Variants in TMC7 observed in about 807,000 individuals in gnomAD.
TMC7 encodes the protein transmembrane channel like 7.
In TMC7, 54 loss-of-function variants were observed where a neutral mutation model predicts 82.9. The ratio of observed to expected loss-of-function variants is 0.65; its 90% confidence interval spans 0.52 to 0.82. The LOEUF is 0.82. Ranked by LOEUF, TMC7 falls within the 40% of genes least tolerant of loss-of-function variation. The pLI is 0.00. For missense variants in TMC7, 820 were observed against 901.2 expected (o/e 0.91, Z 1.15); for synonymous variants, 350 against 337.9 (o/e 1.04, Z -0.39).
At chr16:18,998,386 T>A (rs12446033) in intron 1 of TMC7, among the ~76,000 whole-genome samples, 69,873 of 152,078 alleles carry the variant, frequency 0.46, 18,875 homozygotes, top group East Asian at 0.76. Flanking sequence ...CTGCCAGGCC[T>A]TGCCACCTTC....
chr16:19,044,866 C>G lies in TMC7; in HGVS notation c.1338-18C>G, dbSNP rs769083177. On this transcript the variant is annotated intron_variant, in intron 9 of 15. Transcript: ENST00000304381. ...TGAGGGCCTCATCTTCCCATCCTCTCTCCTTCTCTCCCCGAAGGTGTGTCT... is the reference window on the plus strand; with the variant it reads ...TGAGGGCCTCATCTTCCCATCCTCTGTCCTTCTCTCCCCGAAGGTGTGTCT... 3 of 1,596,550 alleles carry G rather than the reference C, an allele frequency of 1.9e-6. No individual in the cohort carries two copies. Among genetic ancestry groups the G allele is most frequent in the South Asian group, 2.2e-5 (2 of 90,748 alleles).
chr16:19,043,658 C>T (rs751072613), intron 9 of TMC7, among the ~76,000 whole-genome samples: 18 of 152,072 alleles, frequency 1.2e-4, no homozygotes, highest in Non-Finnish European at 2.2e-4. Flanking sequence ...GCAACCTTCG[C>T]CTCCCAGGTT....
chr16:19,047,553 C>T (rs902844137), intron 12 of TMC7, among the ~76,000 whole-genome samples: 28 of 151,310 alleles, frequency 1.9e-4, no homozygotes, highest in African/African-American at 3.2e-4. Context: ...CCTGCCACTG[C>T]GCCTGGCTAA....
intron 9 of TMC7, among the ~76,000 whole-genome samples, chr16:19,040,750 T>G (rs960250647): frequency 2.6e-5 from 4 of 152,018 alleles, no homozygotes; most frequent in African/African-American, 9.7e-5. Context: ...TAAGGCAGAG[T>G]CCAGGGAGTT....
At chr16:19,015,928 A>G (rs557122445) in intron 2 of TMC7, among the ~76,000 whole-genome samples, 74 of 152,208 alleles carry the variant, frequency 4.9e-4, no homozygotes, top group Middle Eastern at 6.8e-3. Context: ...GTATGTACCT[A>G]GGAGTGGAAC....
chr16:19,025,080 T>C (rs1960160116), intron 5 of TMC7, among the ~76,000 whole-genome samples: 1 of 152,104 alleles, frequency 6.6e-6, no homozygotes, highest in Non-Finnish European at 1.5e-5. Flanking sequence ...TAGATAACTC[T>C]GTGTTGTGTA....
chr16:19,037,757 G>A, intron 7 of TMC7, 117 bp from the exon 8 acceptor site: 1 of 1,128,806 alleles, frequency 8.9e-7, no homozygotes, highest in South Asian at 1.6e-5. Context: ...ACAGGAGTGA[G>A]CCACCATGCC....
rs748750341 is a variant in TMC7 at position 19,009,434 on chromosome 16, T to C, written c.311+19T>C. Reference sequence around the variant, plus strand: ...GACTAAGGTTTGTTCACTAGCCACCTGGAACCTGCATTGTGTATGTTATGG... The same window carrying C: ...GACTAAGGTTTGTTCACTAGCCACCCGGAACCTGCATTGTGTATGTTATGG... On this transcript the variant is annotated intron_variant, in intron 2 of 15. Transcript: ENST00000304381. The C allele has an allele frequency of 1.9e-6, 3 of 1,604,676 alleles. No homozygotes were observed. The highest frequency in any genetic ancestry group is 2.6e-6 in the Non-Finnish European group (3 of 1,173,534).
At chr16:19,034,934 A>T (rs1171303451) in intron 6 of TMC7, among the ~76,000 whole-genome samples, 1 of 152,188 alleles carries the variant, frequency 6.6e-6, no homozygotes, top group Non-Finnish European at 1.5e-5. Context: ...TTTGGATTTT[A>T]AAAGAAAATG....
intron 7 of TMC7, 85 bp downstream of exon 7, chr16:19,035,908 T>C: frequency 2.0e-6 from 3 of 1,471,526 alleles, no homozygotes; most frequent in Middle Eastern, 5.0e-4. Flanking sequence ...TTGCAGAGGA[T>C]CAAGGGTCGG....
chr16:19,026,369 T>C (rs1010022724), intron 5 of TMC7, among the ~76,000 whole-genome samples: 2 of 150,592 alleles, frequency 1.3e-5, no homozygotes, highest in African/African-American at 2.4e-5. Flanking sequence ...CCCAGCTACT[T>C]GGGAGGCTGA....
rs116899319 is a variant in TMC7 at position 19,033,278 on chromosome 16, T to C, written c.858-2398T>C. The stretch of plus-strand genomic sequence containing the variant: ...TTATAGACATTTATGAAGTTAAAAT[T>C]ATCATCATCATCATCCTTATCATCA... On this transcript the variant is annotated intron_variant, in intron 6 of 15. Coordinates refer to ENST00000304381, the MANE Select transcript of TMC7 (RefSeq NM_024847.4). 8.3e-3 allele frequency among the ~76,000 whole-genome samples: 1,266 copies of C among 152,238 alleles called. 5 individuals are homozygous for C. Among genetic ancestry groups the C allele is most frequent in the Admixed American group, 0.018 (282 of 15,280 alleles).
rs371052634 is a variant in TMC7 at position 19,002,563 on chromosome 16, A to G, written c.68-6609A>G. Among the ~76,000 whole-genome samples, 4 of 152,128 alleles carry G rather than the reference A, an allele frequency of 2.6e-5. No individual in the cohort carries two copies. In the East Asian group the frequency reaches 5.8e-4, roughly 22 times the overall value. On this transcript the variant is annotated intron_variant, in intron 1 of 15. Coordinates refer to ENST00000304381, the MANE Select transcript of TMC7 (RefSeq NM_024847.4). The stretch of plus-strand genomic sequence containing the variant: ...GGATGGAGGGCCTTCTGTGAGCAAG[A>G]CACCGCTTTTAAGCCTCAGAGAGAC...
At chr16:19,011,019 C>T (rs554343065) in intron 2 of TMC7, among the ~76,000 whole-genome samples, 11 of 152,232 alleles carry the variant, frequency 7.2e-5, no homozygotes, top group East Asian at 1.9e-4. Flanking sequence ...ATATTCCTCC[C>T]GCTAATGAGA....
At chr16:19,035,653 G>A (rs771086000) in intron 6 of TMC7, 23 bp from the exon 7 acceptor site, 1 of 1,613,964 alleles carries the variant, frequency 6.2e-7, no homozygotes, top group Non-Finnish European at 8.5e-7. Flanking sequence ...TCTATAAGAA[G>A]GATGATTGTG....
chr16:18,987,563 C>T (rs1427098919), intron 1 of TMC7, among the ~76,000 whole-genome samples: 2 of 152,128 alleles, frequency 1.3e-5, no homozygotes, highest in African/African-American at 4.8e-5. Flanking sequence ...ACCTCGGCCT[C>T]CCAAAGTACT....
chr16:18,999,696 G>C (rs1192935215), intron 1 of TMC7, among the ~76,000 whole-genome samples: 1 of 152,326 alleles, frequency 6.6e-6, no homozygotes, highest in East Asian at 1.9e-4. Flanking sequence ...ACTGGCTTTG[G>C]AGGGCTTCTT....
At chr16:19,035,126 A>G (rs932623541) in intron 6 of TMC7, among the ~76,000 whole-genome samples, 4 of 152,238 alleles carry the variant, frequency 2.6e-5, no homozygotes, top group African/African-American at 9.6e-5. Flanking sequence ...CCTTTGCAGC[A>G]GCATGGTTGC....
At position 19,035,691 on chromosome 16, in the gene TMC7, C is replaced by G. The variant is rs772852930; in HGVS notation, c.873C>G (p.Phe291Leu). ...LWIVKRSVEG[F>L]KINLIRSEEH... Reference sequence around the variant, plus strand: ...TTGGGGTCAGGTCGGTGGAAGGATTCAAAATCAACCTGATTCGGAGTGAGG... The same window carrying G: ...TTGGGGTCAGGTCGGTGGAAGGATTGAAAATCAACCTGATTCGGAGTGAGG... The change falls in exon 7 of 16, where the codon TTC (phenylalanine) becomes TTG (leucine). Residue 291 changes from phenylalanine (F) to leucine (L), a missense_variant. By Grantham distance (22) the Phe-to-Leu change is conservative (BLOSUM62 0). Around this residue, in one of 2 missense-constraint regions of TMC7, gnomAD observed 650 missense variants for 669.9 expected, o/e 0.97. Transcript: ENST00000304381. 13 of 1,614,092 alleles carry G rather than the reference C, an allele frequency of 8.1e-6. No homozygotes were observed. In the East Asian group the frequency reaches 1.3e-4, roughly 17 times the overall value.
Sources: allele counts gnomAD v4.1 joint callset (sites outside exome capture counted in the v4.1 genomes callset), GRCh38; gene constraint gnomAD v4.1.1; regional missense constraint gnomAD v4.1.1; transcripts MANE v1.5; gene names NCBI Gene and HGNC (gene_info 2026-07-23, HGNC 2026-07-21).